TCF4: variants seen among roughly 807,000 people sequenced by gnomAD.
TCF4 encodes transcription factor 4.
Under a neutral mutation model 82.1 loss-of-function variants are expected in TCF4, and 3 were observed. The ratio of observed to expected loss-of-function variants is 0.04; its 90% CI spans 0.02 to 0.09. The LOEUF is 0.09. Ranked by LOEUF, TCF4 falls within the 10% of genes least tolerant of loss-of-function variation. TCF4 has a pLI of 1.00. For missense variants in TCF4, 518 were observed against 852.7 expected (o/e 0.61, Z 4.89); for synonymous variants, 276 against 309.6 (o/e 0.89, Z 1.14).
chr18:55,584,100 G>C (rs576930818), intron 3 of TCF4, among the ~76,000 whole-genome samples: 2 of 152,050 alleles, frequency 1.3e-5, no homozygotes, highest in African/African-American at 4.8e-5. Context: ...ACTTAGGCAG[G>C]CAATAGAAGG....
chr18:55,557,502 G>A (rs1053097497), intron 3 of TCF4, among the ~76,000 whole-genome samples: 4 of 151,956 alleles, frequency 2.6e-5, no homozygotes, highest in African/African-American at 9.7e-5. Context: ...TTTATTTTAT[G>A]ATTAAAATTC....
chr18:55,367,668 T>C (rs2087591575), intron 6 of TCF4, among the ~76,000 whole-genome samples: 1 of 152,160 alleles, frequency 6.6e-6, no homozygotes, highest in Admixed American at 6.5e-5. Context: ...CAGGAAAACA[T>C]GAACCAGGAA....
intron 6 of TCF4, among the ~76,000 whole-genome samples, chr18:55,372,300 A>G (rs1301846745): frequency 6.6e-6 from 1 of 152,104 alleles, no homozygotes; most frequent in African/African-American, 2.4e-5. Context: ...AAATAAATAA[A>G]TCACAAGCCA....
chr18:55,505,004 C>T (rs2096738094), intron 3 of TCF4, among the ~76,000 whole-genome samples: 1 of 152,154 alleles, frequency 6.6e-6, no homozygotes, highest in South Asian at 2.1e-4. Flanking sequence ...AGTTATCCGT[C>T]TTACCTACAG....
intron 2 of TCF4, chr18:55,596,048 C>G (rs1376456242): frequency 2.5e-6 from 1 of 395,002 alleles, no homozygotes; most frequent in Non-Finnish European, 5.0e-6. Flanking sequence ...GCCTGGCCAA[C>G]GTGGTGAAAC....
chr18:55,334,671 G>A (rs2078273049), intron 8 of TCF4, among the ~76,000 whole-genome samples: 1 of 152,122 alleles, frequency 6.6e-6, no homozygotes, highest in Admixed American at 6.6e-5. Flanking sequence ...GGGTTGTCAA[G>A]TTGAATTAAT....
intron 6 of TCF4, among the ~76,000 whole-genome samples, chr18:55,353,799 G>C (rs979171847): frequency 6.6e-6 from 1 of 152,198 alleles, no homozygotes; most frequent in South Asian, 2.1e-4. Context: ...AAATGGATAA[G>C]GTATTTGTTT....
At chr18:55,346,947 A>G (rs1483347590) in intron 8 of TCF4, among the ~76,000 whole-genome samples, 1 of 152,148 alleles carries the variant, frequency 6.6e-6, no homozygotes, top group African/African-American at 2.4e-5. Flanking sequence ...TTAATTTACT[A>G]TAGTACATTT....
At chr18:55,468,227 G>A (rs2096074464) in intron 3 of TCF4, among the ~76,000 whole-genome samples, 1 of 152,206 alleles carries the variant, frequency 6.6e-6, no homozygotes, top group African/African-American at 2.4e-5. Flanking sequence ...GAACAGTAAG[G>A]CCAGAGGTAT....
At chr18:55,289,787 A>G (rs1373595752) in intron 8 of TCF4, among the ~76,000 whole-genome samples, 2 of 152,164 alleles carry the variant, frequency 1.3e-5, no homozygotes, top group Non-Finnish European at 2.9e-5. Flanking sequence ...GTTTACTCCA[A>G]TGTTGATTGT....
intron 2 of TCF4, among the ~76,000 whole-genome samples, chr18:55,625,458 C>T (rs969396963): frequency 1.4e-4 from 21 of 152,064 alleles, no homozygotes; most frequent in African/African-American, 4.8e-4. Context: ...AGGATGGTCT[C>T]GATTTCCTGA....
intron 6 of TCF4, chr18:55,401,792 G>C (rs2093835180): frequency 1.0e-6 from 1 of 985,612 alleles, no homozygotes; most frequent in Non-Finnish European, 1.2e-6. Flanking sequence ...TAGTAAGAAA[G>C]GATACAGGGG....
chr18:55,514,233 T>C (rs1174949553), intron 3 of TCF4, among the ~76,000 whole-genome samples: 4 of 152,184 alleles, frequency 2.6e-5, no homozygotes, highest in Non-Finnish European at 5.9e-5. Flanking sequence ...TTCATACCTA[T>C]TTTAATGGCA....
upstream of TCF4, chr18:55,588,371 A>G (rs1268030041): frequency 2.3e-5 from 35 of 1,517,120 alleles, no homozygotes; most frequent in Non-Finnish European, 2.8e-5. Context: ...CGGGCAGGCT[A>G]GGATGCATCC....
At chr18:55,457,184 T>G (rs1603481776) in intron 5 of TCF4, among the ~76,000 whole-genome samples, 1 of 152,226 alleles carries the variant, frequency 6.6e-6, no homozygotes, top group Non-Finnish European at 1.5e-5. Flanking sequence ...AAAAAAAATT[T>G]AGGAGCTTGC....
chr18:55,586,462 A>G (rs1568467000), intron 2 of TCF4, among the ~76,000 whole-genome samples: 1 of 152,224 alleles, frequency 6.6e-6, no homozygotes, highest in Non-Finnish European at 1.5e-5. Flanking sequence ...TGCTGATCCT[A>G]CGACTACGAA....
At chr18:55,396,240 C>A (rs531990333) in intron 6 of TCF4, among the ~76,000 whole-genome samples, 1 of 152,300 alleles carries the variant, frequency 6.6e-6, no homozygotes, top group South Asian at 2.1e-4. Flanking sequence ...GGCTCTGAAA[C>A]TTACTTGAAG....
At chr18:55,282,463 C>G (rs889749073) in intron 8 of TCF4, among the ~76,000 whole-genome samples, 1 of 151,982 alleles carries the variant, frequency 6.6e-6, no homozygotes, top group Non-Finnish European at 1.5e-5. Context: ...TGCTTCATTA[C>G]TTTTACTTCA....
intron 2 of TCF4, among the ~76,000 whole-genome samples, chr18:55,597,049 C>T (rs187549986): frequency 1.8e-3 from 275 of 152,240 alleles, no homozygotes; most frequent in African/African-American, 6.0e-3. Context: ...CCTTCCCCTT[C>T]GCTCTCTCTC....
Sources: gnomAD v4.1 joint callset for allele counts (sites outside exome capture counted in the v4.1 genomes callset) on GRCh38, gnomAD v4.1.1 for gene constraint, MANE v1.5 for transcripts, NCBI Gene and HGNC (gene_info 2026-07-23, HGNC 2026-07-21) for gene names.